N4BP2L2: variants seen among roughly 807,000 people sequenced by gnomAD.
N4BP2L2 encodes NEDD4-binding protein 2-like 2.
A neutral mutation model predicts 56.2 loss-of-function variants in N4BP2L2; 50 were observed. The ratio of observed to expected loss-of-function variants is 0.89; its 90% CI spans 0.71 to 1.13. The LOEUF (loss-of-function observed/expected upper bound fraction) is 1.13. Ranked by LOEUF, N4BP2L2 falls within the 50% of genes most tolerant of loss-of-function variation. N4BP2L2 has a pLI of 0.00. For missense variants in N4BP2L2, 689 were observed against 693.8 expected (o/e 0.99, Z 0.08); for synonymous variants, 203 against 223.6 (o/e 0.91, Z 0.82).
Position 32,443,331 on chromosome 13 carries a change from CT to C in N4BP2L2, c.1160del (p.Lys387ArgfsTer20). On this transcript the variant is annotated frameshift_variant, in exon 7 of 10. Transcript: ENST00000357505. LOFTEE classifies it high-confidence loss of function. Reference sequence around the variant, plus strand: ...CAGCCAACTTACATGCTCTATCTTTCTTTGGTCTCTGTTCACATATAAACTT... The same window carrying C: ...CAGCCAACTTACATGCTCTATCTTTCTTGGTCTCTGTTCACATATAAACTT... The C allele has an allele frequency of 6.2e-7, 1 of 1,614,014 alleles. No individual in the cohort carries two copies. Among genetic ancestry groups the C allele is most frequent in the Non-Finnish European group, 8.5e-7 (1 of 1,179,902 alleles).
chr13:32,440,872 G>A (rs773109291), intron 7 of N4BP2L2, among the ~76,000 whole-genome samples: 1 of 132,144 alleles, frequency 7.6e-6, no homozygotes, highest in East Asian at 2.3e-4. Flanking sequence ...TTTTTTGACA[G>A]GGAGTCTCGC....
At chr13:32,498,116 G>T (rs1039869149) in intron 6 of N4BP2L2, among the ~76,000 whole-genome samples, 1 of 152,018 alleles carries the variant, frequency 6.6e-6, no homozygotes, top group Admixed American at 6.5e-5. Flanking sequence ...CTCCTGAGTA[G>T]CTAGAATATA....
intron 9 of N4BP2L2, chr13:32,432,994 G>C (rs2075007470): frequency 6.6e-6 from 1 of 152,206 alleles, no homozygotes; most frequent in Admixed American, 6.5e-5. Flanking sequence ...CACAAGCCCA[G>C]ACAAGACCAG....
At chr13:32,442,342 T>G in intron 7 of N4BP2L2, 2 of 1,436,358 alleles carry the variant, frequency 1.4e-6, no homozygotes, top group Non-Finnish European at 1.9e-6. Flanking sequence ...ATTACTTACA[T>G]ATGTTAAACT....
At chr13:32,466,233 C>A (rs910803094) in intron 6 of N4BP2L2, among the ~76,000 whole-genome samples, 1 of 152,050 alleles carries the variant, frequency 6.6e-6, no homozygotes, top group African/African-American at 2.4e-5. Context: ...CTACTAATAT[C>A]TGCATTAATA....
intron 6 of N4BP2L2, chr13:32,478,179 C>T (rs2083751288): frequency 1.6e-6 from 1 of 614,452 alleles, no homozygotes; most frequent in Non-Finnish European, 2.4e-6. Flanking sequence ...GCAGGTAAAA[C>T]ATCTATTTTC....
intron 6 of N4BP2L2, chr13:32,505,199 A>G (rs1391850752): frequency 6.6e-6 from 1 of 152,262 alleles, no homozygotes; most frequent in Non-Finnish European, 1.5e-5. Flanking sequence ...ACAGCCAGAT[A>G]GCTCTACTGA....
intron 6 of N4BP2L2, chr13:32,480,559 A>AT (rs1208262165): frequency 8.5e-7 from 1 of 1,173,026 alleles, no homozygotes; most frequent in African/African-American, 1.6e-5. Context: ...CGCTAGATCC[A>AT]TTATATCATT....
chr13:32,468,712 G>A (rs1028004015), intron 6 of N4BP2L2, among the ~76,000 whole-genome samples: 1 of 152,212 alleles, frequency 6.6e-6, no homozygotes, highest in Non-Finnish European at 1.5e-5. Flanking sequence ...TAACCTGTTT[G>A]TGTAAGCTCA....
chr13:32,450,096 A>G (rs949780211), intron 6 of N4BP2L2, among the ~76,000 whole-genome samples: 1 of 152,196 alleles, frequency 6.6e-6, no homozygotes, highest in African/African-American at 2.4e-5. Context: ...GTGAAAACAC[A>G]TTCTTTTCAT....
At chr13:32,486,616 C>T (rs1330486277) in intron 6 of N4BP2L2, among the ~76,000 whole-genome samples, 1 of 152,046 alleles carries the variant, frequency 6.6e-6, no homozygotes, top group Non-Finnish European at 1.5e-5. Flanking sequence ...GCAAAAGTTG[C>T]AGTGAGCCAA....
intron 9 of N4BP2L2, among the ~76,000 whole-genome samples, chr13:32,435,379 A>T (rs940672531): frequency 3.3e-5 from 5 of 152,100 alleles, no homozygotes; most frequent in African/African-American, 1.2e-4. Context: ...GATTACAGGC[A>T]CCTGCCACCA....
intron 6 of N4BP2L2, among the ~76,000 whole-genome samples, chr13:32,466,504 T>A (rs185731883): frequency 6.6e-6 from 1 of 151,908 alleles, no homozygotes; most frequent in South Asian, 2.1e-4. Context: ...GAGGTGTAGG[T>A]TGCAGTGAGC....
chr13:32,507,949 G>C (rs1050015856), downstream of N4BP2L2: 4 of 152,114 alleles, frequency 2.6e-5, no homozygotes, highest in African/African-American at 9.7e-5. Flanking sequence ...AGATTGTCTA[G>C]AACTGAAATT....
chr13:32,438,547 C>T, intron 8 of N4BP2L2: 2 of 837,338 alleles, frequency 2.4e-6, no homozygotes, highest in Non-Finnish European at 3.6e-6. Context: ...TGTGGTGAGC[C>T]AAGATCACGC....
intron 6 of N4BP2L2, among the ~76,000 whole-genome samples, chr13:32,464,417 G>A (rs866430168): frequency 6.6e-6 from 1 of 152,156 alleles, no homozygotes; most frequent in Admixed American, 6.5e-5. Context: ...GCTTCTGATG[G>A]CAATTCCAAC....
At chr13:32,456,699 A>G (rs2079043322) in intron 6 of N4BP2L2, among the ~76,000 whole-genome samples, 1 of 152,240 alleles carries the variant, frequency 6.6e-6, no homozygotes, top group East Asian at 1.9e-4. Flanking sequence ...AGAACCAAAC[A>G]GAAATCCTGG....
At chr13:32,483,131 C>G (rs1021002963) in intron 6 of N4BP2L2, among the ~76,000 whole-genome samples, 1 of 152,132 alleles carries the variant, frequency 6.6e-6, no homozygotes, top group Non-Finnish European at 1.5e-5. Context: ...ATTAGTCAAA[C>G]GAAATCTTAA....
intron 6 of N4BP2L2, among the ~76,000 whole-genome samples, chr13:32,459,305 G>A (rs1024646282): frequency 6.6e-6 from 1 of 151,684 alleles, no homozygotes; most frequent in Non-Finnish European, 1.5e-5. Flanking sequence ...TAAAAAAACA[G>A]AGATCAAAAA....
Sources: allele counts gnomAD v4.1 joint callset (sites outside exome capture counted in the v4.1 genomes callset), GRCh38; gene constraint gnomAD v4.1.1; transcripts MANE v1.5; gene names NCBI Gene and HGNC (gene_info 2026-07-23, HGNC 2026-07-21).